PCSK6: variants seen among roughly 807,000 people sequenced by gnomAD.
PCSK6 encodes the protein paired basic amino acid cleaving enzyme 4.
In PCSK6, 85 loss-of-function variants were observed where a neutral mutation model predicts 123.3. The observed-to-expected ratio is 0.69, with a 90% CI of 0.58 to 0.83. PCSK6 has a LOEUF of 0.83. Ranked by LOEUF, PCSK6 falls within the 40% of genes least tolerant of loss-of-function variation. The pLI is 0.00. For synonymous variants in PCSK6, 508 were observed against 516.0 expected, an observed-to-expected ratio of 0.98 and a Z score of 0.21; for missense variants, 1,191 against 1,282.3, an observed-to-expected ratio of 0.93 and a Z score of 1.09.
At chr15:101,417,841 G>GT (rs879516261) in intron 6 of PCSK6, among the ~76,000 whole-genome samples, 75 of 150,442 alleles carry the variant, frequency 5.0e-4, no homozygotes, top group Middle Eastern at 7.1e-3. Flanking sequence ...GCAAAAGCCT[G>GT]TTTTTTTTTA....
chr15:101,455,197 A>C (rs1375745741), intron 1 of PCSK6, among the ~76,000 whole-genome samples: 1 of 152,100 alleles, frequency 6.6e-6, no homozygotes, highest in Non-Finnish European at 1.5e-5. Flanking sequence ...TTCTGTCCCC[A>C]CCTTTCCCAC....
intron 1 of PCSK6, among the ~76,000 whole-genome samples, chr15:101,459,773 C>A (rs1031714561): frequency 3.3e-5 from 5 of 151,510 alleles, no homozygotes; most frequent in African/African-American, 1.2e-4. Flanking sequence ...TCCTGGTCCT[C>A]CATCCATGCG....
chr15:101,451,739 G>A (rs918121557), intron 1 of PCSK6, among the ~76,000 whole-genome samples: 1 of 152,194 alleles, frequency 6.6e-6, no homozygotes, highest in Non-Finnish European at 1.5e-5. Context: ...AGTCATGGTC[G>A]TCCGAGTTCA....
intron 1 of PCSK6, among the ~76,000 whole-genome samples, chr15:101,459,214 C>T (rs184966798): frequency 1.3e-5 from 2 of 152,316 alleles, no homozygotes; most frequent in African/African-American, 2.4e-5. Flanking sequence ...CTTCCTCACA[C>T]ACCCTTGGCT....
chr15:101,397,640 G>A (rs1224544679), intron 7 of PCSK6, among the ~76,000 whole-genome samples: 3 of 152,150 alleles, frequency 2.0e-5, no homozygotes, highest in East Asian at 1.9e-4. Context: ...CCTCCTGGAC[G>A]CTGACCACAG....
chr15:101,461,151 G>A (rs770297496), intron 1 of PCSK6, among the ~76,000 whole-genome samples: 5 of 151,924 alleles, frequency 3.3e-5, no homozygotes, highest in South Asian at 2.1e-4. Flanking sequence ...AGGCGCAAAC[G>A]AATAAATAAC....
chr15:101,316,020 C>T (rs541822906), intron 19 of PCSK6, among the ~76,000 whole-genome samples: 1 of 152,366 alleles, frequency 6.6e-6, no homozygotes, highest in Non-Finnish European at 1.5e-5. Flanking sequence ...CGACTGTGCC[C>T]AGGCCCCTGG....
At chr15:101,368,746 A>G (rs552870473) in intron 12 of PCSK6, among the ~76,000 whole-genome samples, 119 of 152,334 alleles carry the variant, frequency 7.8e-4, no homozygotes, top group Non-Finnish European at 1.2e-3. Flanking sequence ...CATGGAGCAC[A>G]TGGACACACA....
intron 13 of PCSK6, among the ~76,000 whole-genome samples, chr15:101,365,389 T>A (rs563687019): frequency 6.6e-5 from 10 of 152,232 alleles, no homozygotes; most frequent in Non-Finnish European, 1.3e-4. Flanking sequence ...TTATAATTTT[T>A]TAAAAAGCAG....
chr15:101,359,957 C>T (rs1242900133), intron 13 of PCSK6, among the ~76,000 whole-genome samples: 1 of 152,154 alleles, frequency 6.6e-6, no homozygotes, highest in Non-Finnish European at 1.5e-5. Flanking sequence ...TTTAACCCAC[C>T]CAAATCCAAG....
At chr15:101,419,528 C>T (rs905756543) in intron 6 of PCSK6, among the ~76,000 whole-genome samples, 5 of 129,924 alleles carry the variant, frequency 3.8e-5, no homozygotes, top group African/African-American at 8.9e-5. Flanking sequence ...AATCAAAATC[C>T]CAACAGGGCT....
intron 18 of PCSK6, among the ~76,000 whole-genome samples, chr15:101,320,518 T>G (rs1034029212): frequency 6.6e-6 from 1 of 152,198 alleles, no homozygotes; most frequent in Non-Finnish European, 1.5e-5. Context: ...GAGAAAACAC[T>G]GGTTTTTCCT....
chr15:101,388,220 T>A (rs3825904), intron 9 of PCSK6, among the ~76,000 whole-genome samples: 2 of 152,124 alleles, frequency 1.3e-5, no homozygotes, highest in Non-Finnish European at 2.9e-5. Context: ...GCTAACATTT[T>A]GGCCTGGAAA....
chr15:101,473,321 C>T (rs184920814), intron 1 of PCSK6, among the ~76,000 whole-genome samples: 98 of 152,296 alleles, frequency 6.4e-4, no homozygotes, highest in African/African-American at 2.3e-3. Context: ...TAGCTCACTA[C>T]AGCCTCGAAC....
At chr15:101,458,689 C>A (rs148553709) in intron 1 of PCSK6, among the ~76,000 whole-genome samples, 1 of 152,198 alleles carries the variant, frequency 6.6e-6, no homozygotes, top group South Asian at 2.1e-4. Flanking sequence ...TCGCTCCTTC[C>A]GAAGACTCCC....
At chr15:101,479,803 A>G (rs1388303894) in intron 1 of PCSK6, among the ~76,000 whole-genome samples, 3 of 152,076 alleles carry the variant, frequency 2.0e-5, no homozygotes. Context: ...ATCTCCACCC[A>G]GGGAAGAGTC....
intron 1 of PCSK6, among the ~76,000 whole-genome samples, chr15:101,450,470 C>A (rs1233730485): frequency 6.6e-6 from 1 of 152,220 alleles, no homozygotes; most frequent in Non-Finnish European, 1.5e-5. Flanking sequence ...GCCCTGTATG[C>A]CCAGACATGG....
At chr15:101,477,489 GCA>G (rs1321129346) in intron 1 of PCSK6, among the ~76,000 whole-genome samples, 7 of 152,208 alleles carry the variant, frequency 4.6e-5, no homozygotes, top group Non-Finnish European at 7.3e-5. Context: ...TATTCAACCT[GCA>G]TATGAGTGTG....
In PCSK6 at chr15:101,398,386, A is replaced by G. The variant is rs2042480119; in HGVS notation, c.996+18T>C. ...CCCTTGTCCCAGAGCGCTCCCCTGT[A>G]GCCCTGGTTACTCACACCTTTTTAA... On this transcript the variant is annotated intron_variant, in intron 7 of 21. Transcript: ENST00000611716. This position sits in a 1 kb window ranked among gnomAD's most constrained non-coding sequence, Gnocchi z 4.6. 1 of 1,598,634 alleles carries G rather than the reference A, an allele frequency of 6.3e-7. No individual in the cohort carries two copies. The highest frequency in any genetic ancestry group is 8.6e-7 in the Non-Finnish European group (1 of 1,169,190).
Sources: allele counts gnomAD v4.1 joint callset (sites outside exome capture counted in the v4.1 genomes callset), GRCh38; gene constraint gnomAD v4.1.1; non-coding constraint Gnocchi (gnomAD v3.1); transcripts MANE v1.5; gene names NCBI Gene and HGNC (gene_info 2026-07-23, HGNC 2026-07-21).